COL4A4: variants seen among roughly 807,000 people sequenced by gnomAD.
The protein encoded by COL4A4 is collagen alpha-4(IV) chain.
Under a neutral mutation model 192.9 loss-of-function variants are expected in COL4A4, and 105 were observed. The ratio of observed to expected loss-of-function variants is 0.54; its 90% CI spans 0.46 to 0.64. The LOEUF (loss-of-function observed/expected upper bound fraction) is 0.64, where lower values mean the gene tolerates loss of function less well. COL4A4 is among the 30% of genes least tolerant of loss of function. COL4A4 has a pLI of 0.00. For missense variants in COL4A4, 1,967 were observed against 2,169.3 expected (o/e 0.91, Z 1.85); for synonymous variants, 762 against 769.9 (o/e 0.99, Z 0.17).
chr2:227,101,224 T>G (rs1309138681), intron 17 of COL4A4, among the ~76,000 whole-genome samples: 1 of 152,166 alleles, frequency 6.6e-6, no homozygotes. Flanking sequence ...AAGACGTGAC[T>G]TGCTCCTTCT....
chr2:227,050,347 T>C lies in COL4A4; in HGVS notation c.3151-216A>G, dbSNP rs543462963. ...AATTAGAGTTCTCAGTCGCAACTGG[T>C]AGCATCCCATTCTCTACACTTGGTT... On this transcript the variant is annotated intron_variant, in intron 33 of 47. Coordinates refer to ENST00000396625, the MANE Select transcript of COL4A4 (RefSeq NM_000092.5). 1.3e-4 allele frequency among the ~76,000 whole-genome samples: 20 copies of C among 152,324 alleles called. No individual in the cohort carries two copies. The South Asian group carries it at 4.1e-3, about 32-fold the overall frequency.
chr2:227,014,831 A>G (rs1964529720), intron 44 of COL4A4, among the ~76,000 whole-genome samples: 1 of 151,508 alleles, frequency 6.6e-6, no homozygotes, highest in Non-Finnish European at 1.5e-5. Context: ...TGCCTCCTGC[A>G]AGGGCTAAAG....
intron 25 of COL4A4, among the ~76,000 whole-genome samples, chr2:227,076,653 C>T (rs1479256527): frequency 6.6e-6 from 1 of 152,152 alleles, no homozygotes; most frequent in Non-Finnish European, 1.5e-5. Flanking sequence ...TCTAATCAAA[C>T]TAAAGAGCTT....
At chr2:227,051,236 A>G in intron 32 of COL4A4, 78 bp from the exon 33 acceptor site, 1 of 1,443,674 alleles carries the variant, frequency 6.9e-7, no homozygotes, top group Middle Eastern at 1.7e-4. Context: ...ACCTGGTCCT[A>G]CTTTTAGGAG....
intron 44 of COL4A4, among the ~76,000 whole-genome samples, chr2:227,018,430 G>A (rs1344383525): frequency 1.3e-5 from 2 of 152,186 alleles, no homozygotes; most frequent in Non-Finnish European, 2.9e-5. Context: ...GTAACTGGAC[G>A]GGATGAGCAA....
At chr2:226,990,992 A>C in the COL4A4 span, among the ~76,000 whole-genome samples, 1 of 152,204 alleles carries the variant, frequency 6.6e-6, no homozygotes, top group African/African-American at 2.4e-5. Flanking sequence ...CAGCTCTGTC[A>C]GTCACCCAGA....
intron 33 of COL4A4, among the ~76,000 whole-genome samples, chr2:227,050,614 C>G (rs1469197779): frequency 1.3e-5 from 2 of 152,084 alleles, no homozygotes; most frequent in African/African-American, 4.8e-5. Flanking sequence ...ATATTGAAAG[C>G]AAAATCTGTG....
the COL4A4 span, among the ~76,000 whole-genome samples, chr2:226,982,695 G>T: frequency 6.6e-6 from 1 of 152,200 alleles, no homozygotes; most frequent in Non-Finnish European, 1.5e-5. Flanking sequence ...CTCGGGATTT[G>T]AGAGCTATTT....
At chr2:226,988,433 G>A in the COL4A4 span, 30 of 1,550,092 alleles carry the variant, frequency 1.9e-5, no homozygotes, top group South Asian at 3.6e-5. Flanking sequence ...GAAGCAGGCC[G>A]CAGTTTGGAC....
At chr2:227,125,529 G>GA (rs796180530) in intron 4 of COL4A4, among the ~76,000 whole-genome samples, 107 of 144,490 alleles carry the variant, frequency 7.4e-4, no homozygotes, top group African/African-American at 1.3e-3. Context: ...ACTTCGGGAG[G>GA]AAAAAAAAAA....
chr2:227,084,818 G>A (rs1047416831), intron 22 of COL4A4, among the ~76,000 whole-genome samples: 8 of 152,000 alleles, frequency 5.3e-5, no homozygotes, highest in Admixed American at 2.0e-4. Context: ...CTCTAACAAC[G>A]GAAGCCCAGC....
At chr2:227,032,320 T>C (rs1968608724) in intron 38 of COL4A4, 44 bp from the exon 39 acceptor site, 1 of 1,576,056 alleles carries the variant, frequency 6.3e-7, no homozygotes, top group Non-Finnish European at 8.6e-7. Context: ...TCTCTTTTCT[T>C]GTCCCTGTTA....
At chr2:227,028,124 T>C (rs562188900) in intron 41 of COL4A4, 115 bp from the exon 42 acceptor site, 13 of 780,612 alleles carry the variant, frequency 1.7e-5, no homozygotes, top group African/African-American at 7.0e-5. Context: ...AGGGCATAGC[T>C]AGCCTGAGAG....
intron 26 of COL4A4, among the ~76,000 whole-genome samples, chr2:227,061,895 A>G (rs1179590030): frequency 2.0e-5 from 3 of 152,206 alleles, no homozygotes; most frequent in African/African-American, 7.2e-5. Context: ...ATCAATAAAC[A>G]AGTGATCATG....
At chr2:227,079,361 T>A (rs1362830296) in intron 24 of COL4A4, among the ~76,000 whole-genome samples, 1 of 152,212 alleles carries the variant, frequency 6.6e-6, no homozygotes, top group African/African-American at 2.4e-5. Context: ...TATGACAATA[T>A]CCACTCAGTG....
chr2:227,142,583 G>A (rs762450670), intron 3 of COL4A4, among the ~76,000 whole-genome samples: 9 of 151,824 alleles, frequency 5.9e-5, no homozygotes, highest in Non-Finnish European at 8.8e-5. Context: ...GTGAAACCCC[G>A]TCTCTACTAA....
At position 227,033,405 on chromosome 2, in the gene COL4A4, C is replaced by A; in HGVS notation, c.3577+5G>T. On this transcript the variant is annotated splice_donor_5th_base_variant and intron_variant, in intron 38 of 47. Coordinates refer to ENST00000396625, the MANE Select transcript of COL4A4 (RefSeq NM_000092.5). ...CAGTCTGTTACGAATCGATTAGGTG[C>A]TTACCTGAAGCACCTTTAGTTCCTT... The A allele has an allele frequency of 1.2e-6, 2 of 1,611,586 alleles. No individual in the cohort carries two copies. Among genetic ancestry groups the A allele is most frequent in the Non-Finnish European group, 8.5e-7 (1 of 1,178,408 alleles).
chr2:227,058,375 TC>T (rs1976039449), intron 28 of COL4A4, among the ~76,000 whole-genome samples: 1 of 152,202 alleles, frequency 6.6e-6, no homozygotes, highest in African/African-American at 2.4e-5. Flanking sequence ...ATTGAACACT[TC>T]CCTTAGATAT....
intron 4 of COL4A4, among the ~76,000 whole-genome samples, chr2:227,124,733 AAAAC>A (rs1165474255): frequency 4.6e-5 from 7 of 152,364 alleles, no homozygotes; most frequent in Admixed American, 3.3e-4. Context: ...TCTAAAAGTA[AAAAC>A]AAACAATGAC....
Sources: allele counts gnomAD v4.1 joint callset (sites outside exome capture counted in the v4.1 genomes callset), GRCh38; gene constraint gnomAD v4.1.1; transcripts MANE v1.5; gene names NCBI Gene and HGNC (gene_info 2026-07-23, HGNC 2026-07-21).